The following EBF4 variants were observed in gnomAD, a reference collection of about 807,000 sequenced individuals.
EBF4 encodes transcription factor COE4.
In EBF4, 34 loss-of-function variants were observed where a neutral mutation model predicts 67.1. The observed-to-expected ratio is 0.51, with a 90% CI of 0.39 to 0.67. The LOEUF (loss-of-function observed/expected upper bound fraction) is 0.67, where lower values mean the gene tolerates loss of function less well. Ranked by LOEUF, EBF4 falls within the 30% of genes least tolerant of loss-of-function variation. The pLI is 0.00. For synonymous variants in EBF4, 387 were observed against 377.7 expected (o/e 1.02, Z -0.29); for missense variants, 837 against 873.3 (o/e 0.96, Z 0.52).
At chr20:2,744,492 CTTT>C (rs35298353) in intron 6 of EBF4, among the ~76,000 whole-genome samples, 6 of 115,886 alleles carry the variant, frequency 5.2e-5, no homozygotes, top group Non-Finnish European at 6.8e-5. Flanking sequence ...TTTTTCTTTT[CTTT>C]TTTTTTTTTT....
chr20:2,739,120 A>T lies in EBF4; in HGVS notation c.558-9429A>T, dbSNP rs2087931752. Among the ~76,000 whole-genome samples, 1 of 152,112 alleles carries T rather than the reference A, an allele frequency of 6.6e-6. No individual in the cohort carries two copies. Among genetic ancestry groups the T allele is most frequent in the Non-Finnish European group, 1.5e-5 (1 of 68,018 alleles). ...CCACATGGGCCTGAACTATTACAGT[A>T]AGCTCCTCATTTCCCTTCCCTTCTC... On this transcript the variant is annotated intron_variant, in intron 6 of 16. Coordinates refer to ENST00000609451, the Ensembl canonical transcript of EBF4. This position sits in a 1 kb window ranked among gnomAD's most constrained non-coding sequence, Gnocchi z 4.5.
At chr20:2,693,387 G>T (rs2087239342), upstream of EBF4, among the ~76,000 whole-genome samples, 1 of 148,354 alleles carries the variant, frequency 6.7e-6, no homozygotes, top group Non-Finnish European at 1.5e-5. This position sits in a 1 kb window ranked among gnomAD's most constrained non-coding sequence, Gnocchi z 4.6. Flanking sequence ...CTCGCAGTCC[G>T]CCCGCCAGCG....
intron 6 of EBF4, among the ~76,000 whole-genome samples, chr20:2,727,475 G>A (rs910145696): frequency 1.3e-5 from 2 of 152,154 alleles, no homozygotes; most frequent in African/African-American, 4.8e-5. Flanking sequence ...CTGATAAGCA[G>A]GTTTTGCATC....
chr20:2,752,442 C>T (rs1241383959), exon 14 of EBF4: 3 of 1,289,250 alleles, frequency 2.3e-6, no homozygotes, highest in Non-Finnish European at 2.9e-6. Flanking sequence ...GCGGCGGCCT[C>T]GGAGCTGGCC....
At chr20:2,705,760 A>G (rs1175758395) in intron 2 of EBF4, 27 bp downstream of exon 2, 2 of 1,487,380 alleles carry the variant, frequency 1.3e-6, no homozygotes, top group East Asian at 2.6e-5. Context: ...CTTGGCTGGG[A>G]CTGGCCCCGG....
chr20:2,703,966 G>A (rs1298046550), intron 1 of EBF4, among the ~76,000 whole-genome samples: 1 of 152,138 alleles, frequency 6.6e-6, no homozygotes, highest in African/African-American at 2.4e-5. Context: ...GGAGGCCTCA[G>A]TTATTCTCCC....
intron 1 of EBF4, among the ~76,000 whole-genome samples, chr20:2,698,846 G>A (rs11699813): frequency 0.18 from 27,576 of 152,066 alleles, 2,640 homozygotes; most frequent in East Asian, 0.3. Context: ...AAGGCAGCCA[G>A]GAGTTAGGTT....
chr20:2,726,648 A>G (rs1230426299), intron 6 of EBF4, among the ~76,000 whole-genome samples: 1 of 152,012 alleles, frequency 6.6e-6, no homozygotes, highest in Non-Finnish European at 1.5e-5. Context: ...TAACTGGTAG[A>G]TCTAGTCCTT....
intron 6 of EBF4, among the ~76,000 whole-genome samples, chr20:2,716,341 A>G (rs2087609943): frequency 6.6e-6 from 1 of 151,874 alleles, no homozygotes; most frequent in Admixed American, 6.6e-5. Context: ...AGGCTGACCA[A>G]CACGGAGAAA....
chr20:2,709,687 G>A, intron 6 of EBF4, 45 bp downstream of exon 6: 2 of 1,481,930 alleles, frequency 1.3e-6, no homozygotes, highest in Non-Finnish European at 1.8e-6. Context: ...GGAGAGTGGG[G>A]GAGGGGCAGC....
exon 3 of EBF4, chr20:2,705,982 G>T: frequency 6.4e-7 from 1 of 1,551,476 alleles, no homozygotes; most frequent in Non-Finnish European, 8.7e-7. Flanking sequence ...AGGAGCCCGG[G>T]GCGGAAAAGA....
At chr20:2,759,062 TG>T in intron 16 of EBF4, 78 bp downstream of exon 16, 2 of 1,367,896 alleles carry the variant, frequency 1.5e-6, no homozygotes, top group Non-Finnish European at 2.0e-6. Flanking sequence ...GCCTTCATCC[TG>T]TGCTCAAGCC....
intron 6 of EBF4, among the ~76,000 whole-genome samples, chr20:2,727,476 G>A (rs2087760926): frequency 6.6e-6 from 1 of 152,138 alleles, no homozygotes; most frequent in Non-Finnish European, 1.5e-5. Context: ...TGATAAGCAG[G>A]TTTTGCATCC....
intron 6 of EBF4, among the ~76,000 whole-genome samples, chr20:2,735,969 A>C (rs2087871533): frequency 6.6e-6 from 1 of 152,238 alleles, no homozygotes. Flanking sequence ...AATGATGAAA[A>C]TATTCTGTAC....
At chr20:2,693,562 G>T, upstream of EBF4, 1 of 1,286,992 alleles carries the variant, frequency 7.8e-7, no homozygotes, top group Non-Finnish European at 9.8e-7. This position sits in a 1 kb window ranked among gnomAD's most constrained non-coding sequence, Gnocchi z 4.6. Flanking sequence ...GCCTGGTGCC[G>T]TCGGGTCGGG....
Position 2,707,565 on chromosome 20 carries a change from T to C in EBF4, c.415-382T>C, listed in dbSNP as rs1185868734. Among the ~76,000 whole-genome samples, 1 of 150,932 alleles carries C rather than the reference T, an allele frequency of 6.6e-6. No homozygotes were observed. The highest frequency in any genetic ancestry group is 6.6e-5 in the Admixed American group (1 of 15,184). ...CAGAGGTCCGTCAGGACATGGAGGA[T>C]GCACACAGGAGGATGCTGGGGGAGG... On this transcript the variant is annotated intron_variant, in intron 4 of 16. Transcript: ENST00000609451. This position sits in a 1 kb window ranked among gnomAD's most constrained non-coding sequence, Gnocchi z 4.6.
Position 2,751,917 on chromosome 20 carries a change from C to G in EBF4, c.1108-5C>G. 1 of 1,549,442 alleles carries G rather than the reference C, an allele frequency of 6.5e-7. No homozygotes were observed. Among genetic ancestry groups the G allele is most frequent in the Non-Finnish European group, 8.7e-7 (1 of 1,146,818 alleles). On this transcript the variant is annotated splice_region_variant and splice_polypyrimidine_tract_variant and intron_variant, in intron 11 of 16. Coordinates refer to ENST00000609451, the Ensembl canonical transcript of EBF4. This position sits in a 1 kb window ranked among gnomAD's most constrained non-coding sequence, Gnocchi z 5.2. The stretch of plus-strand genomic sequence containing the variant: ...CCGTCCCGCTGTCTCTCCCCCTGTC[C>G]CCAGGAAGTGCTGCTGAAGCGGGCG...
At chr20:2,749,955 G>T (rs1331352069) in exon 10 of EBF4, 10 of 1,551,006 alleles carry the variant, frequency 6.4e-6, no homozygotes, top group African/African-American at 1.4e-5. Flanking sequence ...GGGATGCCCC[G>T]GCCGCTTTGT....
chr20:2,749,371 C>G (rs2146496856), intron 7 of EBF4, 30 bp from the exon 8 acceptor site: 1 of 1,500,622 alleles, frequency 6.7e-7, no homozygotes, highest in East Asian at 2.5e-5. Flanking sequence ...CCGAGGGCCC[C>G]AGCCAGGCTG....
Sources: gnomAD v4.1 joint callset for allele counts (sites outside exome capture counted in the v4.1 genomes callset) on GRCh38, gnomAD v4.1.1 for gene constraint, Gnocchi (gnomAD v3.1) non-coding constraint, MANE v1.5 for transcripts, NCBI Gene and HGNC (gene_info 2026-07-23, HGNC 2026-07-21) for gene names.